Variants in DNAH7 observed in about 807,000 individuals in gnomAD.
The protein encoded by DNAH7 is dynein axonemal heavy chain 7.
DNAH7 carries 397 observed loss-of-function variants against 444.6 expected under a neutral mutation model. The observed-to-expected ratio is 0.89, with a 90% CI of 0.82 to 0.97. The LOEUF (loss-of-function observed/expected upper bound fraction) is 0.97. Among genes scored for constraint, DNAH7 ranks in the 50% least tolerant of loss-of-function variants. The pLI, the probability that DNAH7 is intolerant of heterozygous loss-of-function variation, is 0.00. For missense variants in DNAH7, 4,902 were observed against 4,800.8 expected (o/e 1.02, Z -0.62); for synonymous variants, 1,636 against 1,624.4 (o/e 1.01, Z -0.17).
chr2:196,028,071 T>A, intron 5 of DNAH7, 24 bp from the exon 6 acceptor site: 24 of 1,592,814 alleles, frequency 1.5e-5, no homozygotes, highest in Non-Finnish European at 2.1e-5. Context: ...AAACATACTA[T>A]TCAAAAGTAG....
intron 19 of DNAH7, among the ~76,000 whole-genome samples, chr2:195,952,207 T>C (rs950330751): frequency 6.6e-6 from 1 of 152,328 alleles, no homozygotes. Flanking sequence ...TTTGGCTGGA[T>C]ATAAAATTCT....
intron 11 of DNAH7, among the ~76,000 whole-genome samples, 161 bp from the exon 12 acceptor site, chr2:196,001,044 CTGAGCTACAGTTGA>C (rs1449879734): frequency 2.6e-5 from 4 of 152,150 alleles, no homozygotes; most frequent in Non-Finnish European, 5.9e-5. Flanking sequence ...AAGAGTGATT[CTGAGCTACAGTTGA>C]TGATATCCAG....
intron 21 of DNAH7, among the ~76,000 whole-genome samples, chr2:195,928,394 T>C (rs560501904): frequency 2.0e-5 from 3 of 152,292 alleles, no homozygotes; most frequent in African/African-American, 7.2e-5. Context: ...CAGATATACA[T>C]AAAATAATGA....
intron 64 of DNAH7, 125 bp from the exon 65 acceptor site, chr2:195,738,252 T>A (rs1271004461): frequency 1.3e-6 from 1 of 786,078 alleles, no homozygotes; most frequent in African/African-American, 1.7e-5. Context: ...CAAATTTATT[T>A]TCACCAGCAG....
At position 195,964,343 on chromosome 2, in the gene DNAH7, T is replaced by C. The variant is rs1039236311; in HGVS notation, c.2206-3398A>G. On this transcript the variant is annotated intron_variant, in intron 17 of 64. Coordinates refer to ENST00000312428, the MANE Select transcript of DNAH7 (RefSeq NM_018897.3). ...CATCAATATTTTATACTTTTCATTG[T>C]AGAGATCTGTGGCTTCTTTGGCTAA... Among the ~76,000 whole-genome samples the C allele has an allele frequency of 2.6e-5, 4 of 152,310 alleles. No homozygotes were observed. The East Asian group carries it at 7.7e-4, about 29-fold the overall frequency.
chr2:196,017,598 A>G (rs1575030954), intron 9 of DNAH7, among the ~76,000 whole-genome samples: 1 of 152,258 alleles, frequency 6.6e-6, no homozygotes, highest in East Asian at 1.9e-4. Context: ...ATATTACAAG[A>G]AAAAAATAGA....
intron 48 of DNAH7, among the ~76,000 whole-genome samples, chr2:195,828,686 T>A (rs1697913217): frequency 6.6e-6 from 1 of 151,402 alleles, no homozygotes; most frequent in Non-Finnish European, 1.5e-5. Context: ...CCTTTTAGCA[T>A]TTGTCTTTTT....
intron 15 of DNAH7, among the ~76,000 whole-genome samples, chr2:195,982,784 A>T (rs184536880): frequency 1.7e-4 from 26 of 152,276 alleles, no homozygotes; most frequent in Non-Finnish European, 2.9e-4. Context: ...AATTGAACTC[A>T]TGGAAGTGGA....
At chr2:196,017,248 T>C (rs1381490323) in intron 9 of DNAH7, among the ~76,000 whole-genome samples, 2 of 152,104 alleles carry the variant, frequency 1.3e-5, no homozygotes, top group African/African-American at 2.4e-5. Flanking sequence ...CTCCTGACCT[T>C]GTGATCCACC....
At chr2:195,921,905 G>C (rs1013246843) in intron 24 of DNAH7, among the ~76,000 whole-genome samples, 183 bp downstream of exon 24, 2 of 152,186 alleles carry the variant, frequency 1.3e-5, no homozygotes, top group African/African-American at 4.8e-5. Context: ...CTAGTATTGA[G>C]AGGAGGAAGC....
intron 48 of DNAH7, among the ~76,000 whole-genome samples, chr2:195,833,138 C>A (rs530997183): frequency 1.3e-5 from 2 of 152,302 alleles, no homozygotes; most frequent in African/African-American, 4.8e-5. Flanking sequence ...ACACATATAT[C>A]TGATCTTACT....
intron 54 of DNAH7, among the ~76,000 whole-genome samples, chr2:195,803,588 A>G (rs996606610): frequency 1.3e-5 from 2 of 152,248 alleles, no homozygotes; most frequent in Non-Finnish European, 2.9e-5. Context: ...GGTTTGTAAA[A>G]TGAAATCTGT....
chr2:196,066,551 CT>C (rs949535087), intron 1 of DNAH7, among the ~76,000 whole-genome samples: 3 of 152,146 alleles, frequency 2.0e-5, no homozygotes, highest in African/African-American at 7.2e-5. Flanking sequence ...ATATTTGTGC[CT>C]TTAAACCTCT....
Position 196,041,674 on chromosome 2 carries a change from G to A in DNAH7, c.398+5678C>T, listed in dbSNP as rs185761041. Among the ~76,000 whole-genome samples the A allele has an allele frequency of 2.2e-3, 338 of 151,892 alleles. 1 individual carries two copies. Among genetic ancestry groups the A allele is most frequent in the African/African-American group, 7.4e-3 (306 of 41,516 alleles). Reference sequence around the variant, plus strand: ...CAAAGATTTTTTGGGGTAAGACCTCGAAAGCATAAGCAACAAAAGAAAAAC... The same window carrying A: ...CAAAGATTTTTTGGGGTAAGACCTCAAAAGCATAAGCAACAAAAGAAAAAC... On this transcript the variant is annotated intron_variant, in intron 5 of 64. Coordinates refer to ENST00000312428, the MANE Select transcript of DNAH7 (RefSeq NM_018897.3).
intron 57 of DNAH7, among the ~76,000 whole-genome samples, chr2:195,787,574 C>T (rs962445336): frequency 2.6e-5 from 4 of 152,010 alleles, no homozygotes; most frequent in African/African-American, 4.8e-5. Flanking sequence ...CTAAAACCCA[C>T]GAGGAGAATA....
In DNAH7 at chr2:195,816,946, T is replaced by G; in HGVS notation, c.9443A>C (p.Glu3148Ala). 1 of 1,592,582 alleles carries G rather than the reference T, an allele frequency of 6.3e-7. No homozygotes were observed. The highest frequency in any genetic ancestry group is 8.5e-7 in the Non-Finnish European group (1 of 1,171,424). The change falls in exon 51 of 65, where the codon GAA becomes GCA. Residue 3148 changes from glutamate (E) to alanine (A), a missense_variant. Transcript: ENST00000312428. ...AENKRQLKEI[E>A]DKILEVLSSS... ...TGAAAGAACTTCTAAAATCTTGTCTTCTATTTCTTTTAACTGCCTGGAATA... is the reference window on the plus strand; with the variant it reads ...TGAAAGAACTTCTAAAATCTTGTCTGCTATTTCTTTTAACTGCCTGGAATA...
intron 55 of DNAH7, among the ~76,000 whole-genome samples, chr2:195,797,996 A>C (rs1696244747): frequency 6.6e-6 from 1 of 152,240 alleles, no homozygotes; most frequent in Non-Finnish European, 1.5e-5. Context: ...AAAATACATA[A>C]TTCAAAAATC....
At chr2:195,976,198 T>G (rs916138754) in intron 15 of DNAH7, among the ~76,000 whole-genome samples, 11 of 151,584 alleles carry the variant, frequency 7.3e-5, no homozygotes, top group Non-Finnish European at 1.2e-4. Context: ...GGGAGCCCAC[T>G]TTTGTGAAAG....
chr2:195,799,179 T>C (rs1398517755), intron 55 of DNAH7, 117 bp downstream of exon 55: 11 of 898,466 alleles, frequency 1.2e-5, no homozygotes, highest in African/African-American at 1.7e-5. Context: ...CAACTTGTGA[T>C]AACTTTCAAA....
Sources: gnomAD v4.1 joint callset for allele counts (sites outside exome capture counted in the v4.1 genomes callset) on GRCh38, gnomAD v4.1.1 for gene constraint, MANE v1.5 for transcripts, NCBI Gene and HGNC (gene_info 2026-07-23, HGNC 2026-07-21) for gene names.